The following SAXO4 variants were observed in gnomAD, a reference collection of about 807,000 sequenced individuals.
SAXO4 encodes protein phosphatase 1 regulatory subunit 32.
At chr11:61,482,174 T>C in the SAXO4 span, 1 of 760,072 alleles carries the variant, frequency 1.3e-6, no homozygotes, top group Admixed American at 2.4e-5. Flanking sequence ...AGGGCAGGCT[T>C]GCAAAGCTCC....
chr11:61,487,281 G>T, the SAXO4 span: 2 of 1,508,598 alleles, frequency 1.3e-6, no homozygotes, highest in East Asian at 2.3e-5. Context: ...ACCCATTTGA[G>T]AAACAGACTG....
the SAXO4 span, chr11:61,489,683 G>A: frequency 8.0e-7 from 1 of 1,255,916 alleles, no homozygotes. Context: ...AGCAAAGGTG[G>A]GGAGGCTGGG....
chr11:61,486,866 G>T, the SAXO4 span: 3 of 1,175,234 alleles, frequency 2.6e-6, no homozygotes, highest in Admixed American at 5.1e-5. Context: ...AGCTGTGTGT[G>T]CCTCTGCCTG....
the SAXO4 span, chr11:61,484,763 C>T: frequency 2.5e-6 from 4 of 1,612,472 alleles, no homozygotes; most frequent in Admixed American, 6.7e-5. Flanking sequence ...GGAAGTGCCT[C>T]TGCTCCACCA....
At chr11:61,484,885 TCAAGA>T in the SAXO4 span, 28 of 1,502,946 alleles carry the variant, frequency 1.9e-5, 1 homozygote, top group South Asian at 3.4e-4. Context: ...TCCTCCCACC[TCAAGA>T]CAAGTATTGC....
the SAXO4 span, chr11:61,481,834 G>A: frequency 6.5e-7 from 1 of 1,530,098 alleles, no homozygotes. Context: ...CCCCCTGGGG[G>A]TCGTCTCCCC....
the SAXO4 span, chr11:61,482,428 G>A: frequency 6.2e-7 from 1 of 1,612,978 alleles, no homozygotes; most frequent in African/African-American, 1.3e-5. Context: ...CCGGCCAGGG[G>A]GTACGGTCTG....
chr11:61,490,020 T>C, the SAXO4 span: 1 of 1,426,884 alleles, frequency 7.0e-7, no homozygotes, highest in Non-Finnish European at 9.5e-7. Flanking sequence ...TCCCTTCCTC[T>C]CCTCTCTTGC....
At chr11:61,484,617 G>T in the SAXO4 span, 2 of 1,582,602 alleles carry the variant, frequency 1.3e-6, no homozygotes, top group African/African-American at 1.3e-5. Context: ...CTCTGTAAAG[G>T]TCAAGGGCAG....
the SAXO4 span, chr11:61,485,821 C>A: frequency 1.2e-6 from 2 of 1,613,742 alleles, no homozygotes; most frequent in Non-Finnish European, 1.7e-6. Flanking sequence ...AGAAATCGAT[C>A]GGCGCAAAGG....
At chr11:61,486,605 C>T in the SAXO4 span, 1 of 1,613,996 alleles carries the variant, frequency 6.2e-7, no homozygotes, top group Non-Finnish European at 8.5e-7. Flanking sequence ...GATTCTGAAC[C>T]CCAGAGTGAG....
chr11:61,482,056 G>A, the SAXO4 span: 206 of 700,160 alleles, frequency 2.9e-4, no homozygotes, highest in South Asian at 5.2e-5. Flanking sequence ...GGCCCTGCCC[G>A]GCTGCTCCCT....
At chr11:61,490,628 G>A in the SAXO4 span, 23 of 1,533,970 alleles carry the variant, frequency 1.5e-5, 1 homozygote, top group African/African-American at 2.9e-4. Context: ...CTGGTTGTGT[G>A]GGCAACCGTT....
chr11:61,488,047 C>G, the SAXO4 span, among the ~76,000 whole-genome samples: 1 of 145,342 alleles, frequency 6.9e-6, no homozygotes, highest in Non-Finnish European at 1.5e-5. Flanking sequence ...AGTGCAATGG[C>G]GTGATCTCAG....
the SAXO4 span, chr11:61,486,525 G>T: frequency 8.6e-5 from 139 of 1,614,102 alleles, 1 homozygote; most frequent in South Asian, 1.4e-3. Flanking sequence ...TCCCTCCAGG[G>T]AGATGAGTTC....
At chr11:61,481,145 G>A in the SAXO4 span, 5 of 152,244 alleles carry the variant, frequency 3.3e-5, no homozygotes, top group African/African-American at 1.2e-4. Flanking sequence ...CCTCCTCCAG[G>A]AGGGCTGGCT....
the SAXO4 span, chr11:61,486,625 C>A: frequency 6.2e-7 from 1 of 1,611,826 alleles, no homozygotes; most frequent in South Asian, 1.1e-5. Flanking sequence ...GTGGCCTTGG[C>A]GTCTTGCTCA....
the SAXO4 span, chr11:61,486,654 G>A: frequency 2.5e-6 from 4 of 1,571,770 alleles, no homozygotes; most frequent in Middle Eastern, 1.7e-4. Context: ...AGAAGACAGG[G>A]AGGTTTCTGG....
the SAXO4 span, among the ~76,000 whole-genome samples, chr11:61,486,141 G>A: frequency 6.9e-4 from 105 of 152,346 alleles, no homozygotes; most frequent in African/African-American, 2.5e-3. Flanking sequence ...GTTCAGACAA[G>A]AGCCCTGGCC....
Sources: allele counts gnomAD v4.1 joint callset (sites outside exome capture counted in the v4.1 genomes callset), GRCh38; gene constraint gnomAD v4.1.1; transcripts MANE v1.5; gene names NCBI Gene and HGNC (gene_info 2026-07-23, HGNC 2026-07-21).